The following FSTL1 variants were observed in gnomAD, a reference collection of about 807,000 sequenced individuals.
FSTL1 encodes follistatin-related protein 1.
FSTL1 carries 24 observed loss-of-function variants against 45.9 expected under a neutral mutation model. That is an observed-to-expected ratio of 0.52 (90% CI 0.38 to 0.74). The LOEUF is 0.74. Among genes scored for constraint, FSTL1 ranks in the 30% least tolerant of loss-of-function variants. The probability of loss-of-function intolerance (pLI) is 0.00; values close to 1 mark genes in which losing one functional copy is unlikely to be tolerated. For missense variants in FSTL1, 340 were observed against 381.8 expected (o/e 0.89, Z 0.91); for synonymous variants, 120 against 137.6 (o/e 0.87, Z 0.89).
At chr3:120,443,562 AAGAC>A (rs1439654696) in intron 2 of FSTL1, among the ~76,000 whole-genome samples, 4 of 149,826 alleles carry the variant, frequency 2.7e-5, no homozygotes, top group Admixed American at 6.6e-5. Flanking sequence ...AAAGTATAGA[AAGAC>A]AGAGAGACGT....
intron 10 of FSTL1, among the ~76,000 whole-genome samples, chr3:120,397,238 C>T (rs1408337227): frequency 2.0e-5 from 3 of 152,156 alleles, no homozygotes; most frequent in Non-Finnish European, 4.4e-5. Context: ...TCCTATGAAA[C>T]AAGCAGATCA....
intron 2 of FSTL1, chr3:120,421,262 T>C (rs965753567): frequency 1.3e-5 from 2 of 152,200 alleles, no homozygotes; most frequent in Admixed American, 6.5e-5. Context: ...TCCAACTCTT[T>C]TAAAAAAGAA....
intron 5 of FSTL1, 66 bp from the exon 6 acceptor site, chr3:120,409,728 A>G (rs1937015321): frequency 2.6e-6 from 4 of 1,522,270 alleles, no homozygotes; most frequent in Non-Finnish European, 3.6e-6. Context: ...TCTGGCACCC[A>G]CTGTGTGGGA....
intron 3 of FSTL1, among the ~76,000 whole-genome samples, chr3:120,413,354 A>C (rs1304514772): frequency 6.6e-6 from 1 of 152,162 alleles, no homozygotes; most frequent in Non-Finnish European, 1.5e-5. Flanking sequence ...AAATGTGGGC[A>C]CTGTCTTCAC....
intron 2 of FSTL1, among the ~76,000 whole-genome samples, chr3:120,436,144 T>C (rs1480801213): frequency 6.6e-6 from 1 of 152,194 alleles, no homozygotes; most frequent in Non-Finnish European, 1.5e-5. Flanking sequence ...AGCTTATATA[T>C]GTTCCTTTGT....
At chr3:120,422,699 T>A (rs1374051278) in intron 2 of FSTL1, among the ~76,000 whole-genome samples, 2 of 127,002 alleles carry the variant, frequency 1.6e-5, no homozygotes, top group Admixed American at 7.6e-5. Context: ...CAATCAATAA[T>A]TTTTTTTTTT....
Position 120,409,538 on chromosome 3 carries a change from A to T in FSTL1, c.456T>A (p.Tyr152Ter). The change falls in exon 6 of 11, where the codon TAT becomes TAA. Residue 152 changes from tyrosine (Y) to a stop codon, truncating the protein, a stop_gained. Transcript: ENST00000295633. LOFTEE classifies it high-confidence loss of function. Reference protein sequence around the residue: ...GSNYSEILDKYFKNFDNGDSR... With the variant: ...GSNYSEILDK ...CCTCCTACCTCTGGATTACCTTAAA[A>T]TACTTGTCTAGGATTTCACTGTAGT... is the stretch of plus-strand genomic sequence containing the variant. The T allele has an allele frequency of 6.2e-7, 1 of 1,613,968 alleles. No individual in the cohort carries two copies. Among genetic ancestry groups the T allele is most frequent in the Non-Finnish European group, 8.5e-7 (1 of 1,179,822 alleles).
chr3:120,412,836 G>GCACACA (rs1489987751), intron 3 of FSTL1, among the ~76,000 whole-genome samples: 171 of 72,800 alleles, frequency 2.3e-3, no homozygotes, highest in Middle Eastern at 0.014. Context: ...GCGCGCGCGC[G>GCACACA]CGCACACACA....
Position 120,445,567 on chromosome 3 carries a change from C to T in FSTL1, c.63+5117G>A, listed in dbSNP as rs998051649. ...TGTACTAACTCCCTCAGTCTTGTCG[C>T]ATGGTGCCTACATGGGCCAGATGTA... On this transcript the variant is annotated intron_variant, in intron 2 of 10. Transcript: ENST00000295633. 8.7e-5 allele frequency among the ~76,000 whole-genome samples: 13 copies of T among 149,284 alleles called. 1 individual carries two copies. The highest frequency in any genetic ancestry group is 3.4e-4 in the African/African-American group (13 of 38,712).
chr3:120,422,595 G>A (rs1443437821), intron 2 of FSTL1, among the ~76,000 whole-genome samples: 1 of 152,112 alleles, frequency 6.6e-6, no homozygotes, highest in Non-Finnish European at 1.5e-5. Context: ...ATGTTTTTGG[G>A]TCAGTATGGC....
At chr3:120,412,385 C>T (rs1937074395) in intron 3 of FSTL1, among the ~76,000 whole-genome samples, 1 of 152,186 alleles carries the variant, frequency 6.6e-6, no homozygotes, top group Non-Finnish European at 1.5e-5. Context: ...GTGAATAAAA[C>T]AGTCTTCCTA....
chr3:120,423,727 C>G (rs1937325186), intron 2 of FSTL1: 1 of 152,210 alleles, frequency 6.6e-6, no homozygotes, highest in African/African-American at 2.4e-5. Context: ...CTGACAGGGT[C>G]TTTCGGGCTC....
rs1410204612 is a variant in FSTL1 at position 120,392,654 on chromosome 3, C to T, written c.*4298G>A. On this transcript the variant is annotated 3_prime_UTR_variant, in exon 11 of 11. Transcript: ENST00000295633. ...CATTAATTCTCATTGACAGGAAGAC[C>T]CTCCTTCCTATTCATACAGCAACAT... The T allele has an allele frequency of 6.6e-6, 1 of 152,028 alleles. No homozygotes were observed. The highest frequency in any genetic ancestry group is 2.4e-5 in the African/African-American group (1 of 41,372). 9.4% of individuals were successfully genotyped at this position (152,028 alleles called of 1,614,324 possible). A position where few individuals can be genotyped will look rare whatever the true frequency, so the allele number is the denominator to read the frequency against.
chr3:120,435,730 G>A (rs1937541171), intron 2 of FSTL1, among the ~76,000 whole-genome samples: 1 of 152,102 alleles, frequency 6.6e-6, no homozygotes, highest in Admixed American at 6.5e-5. Context: ...TTACATTCCA[G>A]GCCACTGTAA....
In FSTL1 at chr3:120,396,136, G is replaced by T. The variant is rs1936694410; in HGVS notation, c.*816C>A. Reference sequence around the variant, plus strand: ...CTGGGTTATTTCAGCCCCTGCACCAGGAAGAACCCCAAACTCCTTCCACCT... The same window carrying T: ...CTGGGTTATTTCAGCCCCTGCACCATGAAGAACCCCAAACTCCTTCCACCT... On this transcript the variant is annotated 3_prime_UTR_variant, in exon 11 of 11. Transcript: ENST00000295633. 1 of 146,380 alleles carries T rather than the reference G, an allele frequency of 6.8e-6. No individual in the cohort carries two copies. The highest frequency in any genetic ancestry group is 7.0e-5 in the Admixed American group (1 of 14,258). 9.1% of individuals were successfully genotyped at this position (146,380 alleles called of 1,614,324 possible). A position where few individuals can be genotyped will look rare whatever the true frequency, so the allele number is the denominator to read the frequency against.
rs891649680 is a variant in FSTL1, at chr3:120,395,584, C to A, written c.*1368G>T. 3.2e-5 allele frequency: 16 copies of A among 496,802 alleles called. No individual in the cohort carries two copies. Among genetic ancestry groups the A allele is most frequent in the African/African-American group, 3.0e-4 (15 of 50,782 alleles). The allele number at this position is 496,802 out of a possible 1,614,324, so 30.8% of individuals were successfully genotyped here. On this transcript the variant is annotated 3_prime_UTR_variant, in exon 11 of 11. Transcript: ENST00000295633. ...CCCATGAGGACTCCATATCATAGCA[C>A]GACCTGTAGGGTCATCAGGCTGAGA...
intron 2 of FSTL1, among the ~76,000 whole-genome samples, chr3:120,424,936 G>A (rs1004015850): frequency 2.6e-5 from 4 of 152,086 alleles, no homozygotes; most frequent in African/African-American, 4.8e-5. Flanking sequence ...ATATCTGGGC[G>A]TCACCTGTGT....
intron 2 of FSTL1, among the ~76,000 whole-genome samples, chr3:120,439,794 T>A (rs1368687271): frequency 6.6e-6 from 1 of 152,152 alleles, no homozygotes; most frequent in African/African-American, 2.4e-5. Flanking sequence ...TGTGAATACA[T>A]CTGAAGAACA....
In FSTL1 at chr3:120,415,977, G is replaced by A. The variant is rs745801934; in HGVS notation, c.114C>T (p.Ala38=). Residue 38 remains alanine (A), a synonymous_variant, in exon 3 of 11, where the codon GCC becomes GCT. Transcript: ENST00000295633. ...SKICANVFCG[A]GRECAVTEKG... Reference sequence around the variant, plus strand: ...TCTCTGTGACTGCACATTCCCGGCCGGCTCCACAAAACACATTGGCACAGA... The same window carrying A: ...TCTCTGTGACTGCACATTCCCGGCCAGCTCCACAAAACACATTGGCACAGA... 1.1e-5 allele frequency: 18 copies of A among 1,613,852 alleles called. No individual in the cohort carries two copies. Among genetic ancestry groups the A allele is most frequent in the African/African-American group, 5.3e-5 (4 of 74,888 alleles).
Sources: allele counts gnomAD v4.1 joint callset (sites outside exome capture counted in the v4.1 genomes callset), GRCh38; gene constraint gnomAD v4.1.1; transcripts MANE v1.5; gene names NCBI Gene and HGNC (gene_info 2026-07-23, HGNC 2026-07-21).